The following FBXL4 variants were observed in gnomAD, a reference collection of about 807,000 sequenced individuals.
FBXL4 encodes the protein F-box and leucine rich repeat protein 4.
A neutral mutation model predicts 58.9 loss-of-function variants in FBXL4; 40 were observed. The observed-to-expected ratio is 0.68, with a 90% CI of 0.53 to 0.88. FBXL4 has a LOEUF of 0.88. Ranked by LOEUF, FBXL4 falls within the 40% of genes least tolerant of loss-of-function variation. The probability of loss-of-function intolerance (pLI) is 0.00; values close to 1 mark genes in which losing one functional copy is unlikely to be tolerated. For synonymous variants in FBXL4, 263 were observed against 265.5 expected (o/e 0.99, Z 0.09); for missense variants, 676 against 734.4 (o/e 0.92, Z 0.92).
intron 2 of FBXL4, among the ~76,000 whole-genome samples, chr6:98,928,487 C>T (rs1255042572): frequency 6.6e-6 from 1 of 151,994 alleles, no homozygotes; most frequent in South Asian, 2.1e-4. Flanking sequence ...CACCATCATG[C>T]CCAGCTAATT....
At chr6:98,928,315 G>A (rs2128406595) in intron 2 of FBXL4, among the ~76,000 whole-genome samples, 1 of 151,990 alleles carries the variant, frequency 6.6e-6, no homozygotes, top group Middle Eastern at 3.4e-3. Flanking sequence ...TCTAAGAAGG[G>A]AGATGTACCA....
At chr6:98,897,983 T>C (rs1771465334) in intron 7 of FBXL4, among the ~76,000 whole-genome samples, 1 of 152,216 alleles carries the variant, frequency 6.6e-6, no homozygotes, top group Non-Finnish European at 1.5e-5. Flanking sequence ...CAACAAGGCT[T>C]CTACCATTAT....
At position 98,869,608 on chromosome 6, in the gene FBXL4, C is replaced by A. The variant is rs1004009779; in HGVS notation, c.*4670G>T. On this transcript the variant is annotated 3_prime_UTR_variant, in exon 10 of 10. Transcript: ENST00000369244. ...CATGCCACTGCACTCCAGCCTGGGGCAATAGAGTGAGACCCTGTCTCAAAT... is the reference window on the plus strand; with the variant it reads ...CATGCCACTGCACTCCAGCCTGGGGAAATAGAGTGAGACCCTGTCTCAAAT... 1 of 152,058 alleles carries A rather than the reference C, an allele frequency of 6.6e-6. No individual in the cohort carries two copies. The highest frequency in any genetic ancestry group is 1.5e-5 in the Non-Finnish European group (1 of 68,046). The allele number at this position is 152,058 out of a possible 1,614,324, so 9.4% of individuals were successfully genotyped here.
chr6:98,899,122 A>C, intron 7 of FBXL4, 146 bp downstream of exon 7: 1 of 1,414,206 alleles, frequency 7.1e-7, no homozygotes, highest in Non-Finnish European at 9.2e-7. Context: ...CAATGACTGA[A>C]TCAGCTCTAT....
chr6:98,897,178 C>T (rs1418908320), intron 7 of FBXL4: 1 of 984,780 alleles, frequency 1.0e-6, no homozygotes, highest in Non-Finnish European at 1.2e-6. Context: ...CATTTAAATC[C>T]TCCTTGCTCA....
intron 5 of FBXL4, among the ~76,000 whole-genome samples, chr6:98,906,466 C>G (rs1259958994): frequency 6.6e-6 from 1 of 152,038 alleles, no homozygotes; most frequent in African/African-American, 2.4e-5. Flanking sequence ...ATGATGGTTT[C>G]CAGCTTCATC....
intron 7 of FBXL4, among the ~76,000 whole-genome samples, chr6:98,886,038 T>C (rs1446758098): frequency 1.3e-5 from 2 of 152,116 alleles, no homozygotes; most frequent in African/African-American, 4.8e-5. Flanking sequence ...CCACCAGCCA[T>C]AGTCAAGCAC....
intron 8 of FBXL4, among the ~76,000 whole-genome samples, chr6:98,876,375 C>T (rs188870385): frequency 6.6e-6 from 1 of 152,102 alleles, no homozygotes; most frequent in Non-Finnish European, 1.5e-5. Flanking sequence ...GCTTTACATG[C>T]TTTAATAATG....
At position 98,871,914 on chromosome 6, in the gene FBXL4, G is replaced by C. The variant is rs1198539547; in HGVS notation, c.*2364C>G. 1 of 152,164 alleles carries C rather than the reference G, an allele frequency of 6.6e-6. No individual in the cohort carries two copies. The highest frequency in any genetic ancestry group is 1.5e-5 in the Non-Finnish European group (1 of 68,038). 9.4% of individuals were successfully genotyped at this position (152,164 alleles called of 1,614,324 possible). On this transcript the variant is annotated 3_prime_UTR_variant, in exon 10 of 10. Coordinates refer to ENST00000369244, the MANE Select transcript of FBXL4 (RefSeq NM_001278716.2). ...AGACATGTCCTCAATCACTATTATG[G>C]AACACTGAATGGCTTTGGAATTTAG...
chr6:98,934,262 A>G (rs1038226323), intron 2 of FBXL4, among the ~76,000 whole-genome samples: 1 of 152,132 alleles, frequency 6.6e-6, no homozygotes, highest in Non-Finnish European at 1.5e-5. Context: ...TGGCTGAAAA[A>G]GAATTTCTTA....
chr6:98,901,466 A>C (rs2128390646), intron 6 of FBXL4, among the ~76,000 whole-genome samples: 1 of 152,300 alleles, frequency 6.6e-6, no homozygotes, highest in Admixed American at 6.5e-5. Flanking sequence ...ACCAGAAAGC[A>C]AACTGTTAGG....
rs546345135 is a variant in FBXL4 at position 98,889,786 on chromosome 6, T to C, written c.1318-9162A>G. ...TGGTGTATGCAGATATGAAGTGCCA[T>C]TCAGTTATAAAGAATTATTATTAAT... On this transcript the variant is annotated intron_variant, in intron 7 of 9. Coordinates refer to ENST00000369244, the MANE Select transcript of FBXL4 (RefSeq NM_001278716.2). Among the ~76,000 whole-genome samples the C allele has an allele frequency of 5.3e-5, 8 of 152,206 alleles. No individual in the cohort carries two copies. In the East Asian group the frequency reaches 1.5e-3, roughly 29 times the overall value.
chr6:98,872,365 TGTAA>T lies in FBXL4; in HGVS notation c.*1909_*1912del, dbSNP rs147788144. The T allele has an allele frequency of 1.1e-4, 17 of 152,348 alleles. No homozygotes were observed. Among genetic ancestry groups the T allele is most frequent in the African/African-American group, 2.4e-4 (10 of 41,586 alleles). 9.4% of individuals were successfully genotyped at this position (152,348 alleles called of 1,614,324 possible). ...CAAAAATCATATTCTCATGGATTAA[TGTAA>T]GTATTTGACAATACCTATCTGCAAG... On this transcript the variant is annotated 3_prime_UTR_variant, in exon 10 of 10. Transcript: ENST00000369244.
rs187253827 is a variant in FBXL4, at chr6:98,873,727, A to T, written c.*551T>A. 1 of 152,534 alleles carries T rather than the reference A, an allele frequency of 6.6e-6. No individual in the cohort carries two copies. Among genetic ancestry groups the T allele is most frequent in the African/African-American group, 2.4e-5 (1 of 41,560 alleles). The allele number at this position is 152,534 out of a possible 1,614,324, so 9.4% of individuals were successfully genotyped here. A position where few individuals can be genotyped will look rare whatever the true frequency, so the allele number is the denominator to read the frequency against. The stretch of plus-strand genomic sequence containing the variant: ...CCACCTCCTGTGTCGCTAGGACTAC[A>T]AGTGTGTGCCACCACACCTGGCTAG... On this transcript the variant is annotated 3_prime_UTR_variant, in exon 10 of 10. Coordinates refer to ENST00000369244, the MANE Select transcript of FBXL4 (RefSeq NM_001278716.2).
rs747126681 is a variant in FBXL4, at chr6:98,905,628, A to G, written c.901T>C (p.Cys301Arg). The G allele has an allele frequency of 1.9e-6, 3 of 1,613,932 alleles. No individual in the cohort carries two copies. In the Admixed American group the frequency reaches 5.0e-5, roughly 27 times the overall value. Residue 301 changes from cysteine to arginine, a missense_variant, in exon 6 of 10, where the codon TGT (cysteine) becomes CGT (arginine). Physicochemically the swap from Cys to Arg is radical, Grantham distance 180. Transcript: ENST00000369244. ...AGTTTGCAAGTCTGTGCTAATCTAC[A>G]CAGGTCTGGTAGTGTAAGATGATTC... ...ILNHLTLPDL[C>R]RLAQTCKLLS...
chr6:98,895,008 T>C (rs1408200657), intron 7 of FBXL4, among the ~76,000 whole-genome samples: 1 of 152,210 alleles, frequency 6.6e-6, no homozygotes, highest in South Asian at 2.1e-4. Context: ...GTCTCATTCT[T>C]ACTGAGTCAT....
chr6:98,939,841 C>T (rs146753521), intron 1 of FBXL4, among the ~76,000 whole-genome samples: 17 of 152,326 alleles, frequency 1.1e-4, no homozygotes, highest in African/African-American at 3.8e-4. Flanking sequence ...TACTGTAATA[C>T]ACAATTTACT....
At position 98,874,397 on chromosome 6, in the gene FBXL4, A is replaced by G; in HGVS notation, c.1747T>C (p.Ser583Pro). 1 of 1,611,948 alleles carries G rather than the reference A, an allele frequency of 6.2e-7. No individual in the cohort carries two copies. Residue 583 changes from serine to proline, a missense_variant, in exon 10 of 10, where the codon TCT becomes CCT. Ser to Pro is a moderately conservative substitution (Grantham distance 74). Coordinates refer to ENST00000369244, the MANE Select transcript of FBXL4 (RefSeq NM_001278716.2). ...SPASLRKLLE[S>P]CKDLSLLDVS... The stretch of plus-strand genomic sequence containing the variant: ...TCAAGTAAAGAAAGATCTTTACAAG[A>G]TTCCAGGAGTTTTCTTAAGGATGCC...
intron 4 of FBXL4, among the ~76,000 whole-genome samples, chr6:98,923,402 T>C (rs1282490184): frequency 6.6e-6 from 1 of 152,208 alleles, no homozygotes; most frequent in African/African-American, 2.4e-5. Context: ...ACCCCTAGTT[T>C]AGATCTTAAG....
Sources: allele counts gnomAD v4.1 joint callset (sites outside exome capture counted in the v4.1 genomes callset), GRCh38; gene constraint gnomAD v4.1.1; transcripts MANE v1.5; gene names NCBI Gene and HGNC (gene_info 2026-07-23, HGNC 2026-07-21).